RHOU: variants seen among roughly 807,000 people sequenced by gnomAD.
The protein encoded by RHOU is rho-related GTP-binding protein RhoU.
Under a neutral mutation model 12.6 loss-of-function variants are expected in RHOU, and 8 were observed. The observed-to-expected ratio is 0.64, with a 90% CI of 0.37 to 1.15. The LOEUF is 1.15. RHOU is among the 50% of genes most tolerant of loss of function. RHOU has a pLI of 0.01. For synonymous variants in RHOU, 161 were observed against 147.4 expected, an observed-to-expected ratio of 1.09 and a Z score of -0.67; for missense variants, 258 against 347.0, an observed-to-expected ratio of 0.74 and a Z score of 2.04.
the RHOU span, among the ~76,000 whole-genome samples, chr1:228,696,688 C>T: frequency 6.6e-6 from 1 of 152,110 alleles, no homozygotes; most frequent in Non-Finnish European, 1.5e-5. Context: ...GCTGGGACTA[C>T]AGACATGCAC....
chr1:228,736,668 C>G (rs1662619019), intron 1 of RHOU, among the ~76,000 whole-genome samples: 2 of 152,182 alleles, frequency 1.3e-5, no homozygotes, highest in African/African-American at 4.8e-5. Context: ...TTTCAGGATC[C>G]CTTTAAGCTA....
chr1:228,716,442 A>G, the RHOU span, among the ~76,000 whole-genome samples: 1 of 152,304 alleles, frequency 6.6e-6, no homozygotes, highest in African/African-American at 2.4e-5. Context: ...GATTCCAAGT[A>G]CTGAGGAAGA....
At chr1:228,676,582 G>T in the RHOU span, among the ~76,000 whole-genome samples, 1 of 152,196 alleles carries the variant, frequency 6.6e-6, no homozygotes, top group African/African-American at 2.4e-5. Context: ...CATGTGAGGA[G>T]ACCACCAAAC....
At chr1:228,660,558 G>A in the RHOU span, among the ~76,000 whole-genome samples, 1 of 151,754 alleles carries the variant, frequency 6.6e-6, no homozygotes, top group Non-Finnish European at 1.5e-5. Flanking sequence ...GAAGATTGAT[G>A]TATAAAAATC....
At chr1:228,681,514 C>T in the RHOU span, among the ~76,000 whole-genome samples, 8 of 151,998 alleles carry the variant, frequency 5.3e-5, no homozygotes, top group South Asian at 2.1e-4. Context: ...TGGGATGAGT[C>T]GCATTGGGAA....
chr1:228,650,514 C>T, the RHOU span: 47 of 456,538 alleles, frequency 1.0e-4, no homozygotes, highest in Non-Finnish European at 1.9e-4. Context: ...ACTAGGGGAG[C>T]TGCCACGGGC....
At chr1:228,663,871 G>A in the RHOU span, among the ~76,000 whole-genome samples, 2 of 150,944 alleles carry the variant, frequency 1.3e-5, no homozygotes, top group Non-Finnish European at 3.0e-5. Context: ...GACCTCAAGT[G>A]ATCCACCCGC....
the RHOU span, among the ~76,000 whole-genome samples, chr1:228,647,359 G>T: frequency 6.6e-6 from 1 of 152,230 alleles, no homozygotes; most frequent in Non-Finnish European, 1.5e-5. Context: ...TTTGGCGGGA[G>T]CCGTGGTACC....
chr1:228,719,955 C>T, the RHOU span, among the ~76,000 whole-genome samples: 1 of 152,076 alleles, frequency 6.6e-6, no homozygotes, highest in Non-Finnish European at 1.5e-5. Context: ...ATTAAAATAT[C>T]GCCGTATCTT....
the RHOU span, among the ~76,000 whole-genome samples, chr1:228,653,484 T>C: frequency 0.35 from 52,923 of 152,028 alleles, 9,512 homozygotes; most frequent in African/African-American, 0.45. Context: ...CATGCCCAGC[T>C]AATTTTGTAT....
the RHOU span, among the ~76,000 whole-genome samples, chr1:228,646,994 T>G: frequency 2.0e-5 from 3 of 150,562 alleles, no homozygotes; most frequent in African/African-American, 7.3e-5. Context: ...GAGGGAAGGC[T>G]AGAGAAATAA....
chr1:228,648,217 G>T, the RHOU span, among the ~76,000 whole-genome samples: 2 of 152,260 alleles, frequency 1.3e-5, no homozygotes, highest in African/African-American at 4.8e-5. Flanking sequence ...TGCGCCTTCT[G>T]TTGGCCTCTT....
chr1:228,675,063 A>G, the RHOU span, among the ~76,000 whole-genome samples: 1 of 152,178 alleles, frequency 6.6e-6, no homozygotes, highest in African/African-American at 2.4e-5. Context: ...TTATTGTTTT[A>G]CTTTTCAAAC....
At chr1:228,684,722 A>G in the RHOU span, among the ~76,000 whole-genome samples, 1 of 152,188 alleles carries the variant, frequency 6.6e-6, no homozygotes. Context: ...AAAAACATGC[A>G]GGCTCTGGTA....
chr1:228,697,819 T>C, the RHOU span, among the ~76,000 whole-genome samples: 1 of 152,176 alleles, frequency 6.6e-6, no homozygotes, highest in African/African-American at 2.4e-5. Flanking sequence ...CATGGGTAGT[T>C]AGAACTAAGC....
At chr1:228,676,210 A>G in the RHOU span, among the ~76,000 whole-genome samples, 2 of 151,794 alleles carry the variant, frequency 1.3e-5, no homozygotes, top group Non-Finnish European at 2.9e-5. Context: ...ACCTCAAGCA[A>G]TCCTTTCACC....
At chr1:228,721,411 C>T in the RHOU span, among the ~76,000 whole-genome samples, 1 of 152,166 alleles carries the variant, frequency 6.6e-6, no homozygotes, top group Admixed American at 6.5e-5. Context: ...AAAGCAGAAA[C>T]AAGATATTTT....
chr1:228,742,326 G>C (rs1011325690), intron 2 of RHOU, among the ~76,000 whole-genome samples: 4 of 152,222 alleles, frequency 2.6e-5, no homozygotes, highest in African/African-American at 9.6e-5. Context: ...GCCTGCCACT[G>C]TGCCTTGAGT....
chr1:228,689,926 A>G, the RHOU span, among the ~76,000 whole-genome samples: 2 of 151,970 alleles, frequency 1.3e-5, no homozygotes, highest in South Asian at 2.1e-4. Context: ...GTCTCCTGAG[A>G]CTGAAAATTT....
Sources: gnomAD v4.1 joint callset for allele counts (sites outside exome capture counted in the v4.1 genomes callset) on GRCh38, gnomAD v4.1.1 for gene constraint, MANE v1.5 for transcripts, NCBI Gene and HGNC (gene_info 2026-07-23, HGNC 2026-07-21) for gene names.